The following RBFOX1 variants were observed in gnomAD, a reference collection of about 807,000 sequenced individuals.
RBFOX1 encodes the protein RNA binding protein fox-1 homolog 1.
A neutral mutation model predicts 57.7 loss-of-function variants in RBFOX1; 8 were observed. The observed-to-expected ratio is 0.14, with a 90% CI of 0.08 to 0.25. The LOEUF is 0.25. Among genes scored for constraint, RBFOX1 ranks in the 10% least tolerant of loss-of-function variants. RBFOX1 has a pLI of 1.00. For synonymous variants in RBFOX1, 326 were observed against 222.4 expected, an observed-to-expected ratio of 1.47 and a Z score of -4.15; for missense variants, 611 against 548.5, an observed-to-expected ratio of 1.11 and a Z score of -1.14.
At chr16:5,416,695 T>C (rs904815183) in intron 1 of RBFOX1, among the ~76,000 whole-genome samples, 18 of 151,680 alleles carry the variant, frequency 1.2e-4, no homozygotes, top group African/African-American at 4.4e-4. Flanking sequence ...TTTTTTTTCC[T>C]CTGGTCGTCT....
intron 3 of RBFOX1, among the ~76,000 whole-genome samples, chr16:6,757,509 G>T (rs1011784072): frequency 1.3e-5 from 2 of 152,194 alleles, no homozygotes; most frequent in Non-Finnish European, 2.9e-5. Flanking sequence ...GGATGGAACT[G>T]GAGGGAGGTC....
chr16:5,239,987 G>C, exon 1 of RBFOX1: 1 of 1,530,516 alleles, frequency 6.5e-7, no homozygotes, highest in Non-Finnish European at 8.7e-7. Flanking sequence ...GAAGAGAAGA[G>C]GCTGCGGCTG....
chr16:5,871,062 C>CAGTGAATATGTGAATAACG (rs1172270778), intron 4 of RBFOX1, among the ~76,000 whole-genome samples: 41 of 152,224 alleles, frequency 2.7e-4, no homozygotes, highest in Non-Finnish European at 8.8e-5. Flanking sequence ...TAAATCTGGA[C>CAGTGAATATGTGAATAACG]TTTGAAAACA....
chr16:5,611,750 T>TCCATCCATCCATCCATC (rs2047809447), intron 3 of RBFOX1, among the ~76,000 whole-genome samples: 2 of 6,840 alleles, frequency 2.9e-4, no homozygotes, highest in Non-Finnish European at 3.5e-4. Flanking sequence ...ATCCATCCAT[T>TCCATCCATCCATCCATC]CACCCTTCTT....
At chr16:6,636,209 C>T (rs112996046) in intron 2 of RBFOX1, among the ~76,000 whole-genome samples, 5,181 of 152,162 alleles carry the variant, frequency 0.034, 283 homozygotes, top group East Asian at 0.21. Context: ...CTCGCTCTGT[C>T]GCCCAGGCTG....
intron 4 of RBFOX1, among the ~76,000 whole-genome samples, chr16:7,498,274 A>G (rs1306511483): frequency 6.6e-6 from 1 of 152,146 alleles, no homozygotes; most frequent in African/African-American, 2.4e-5. Flanking sequence ...ATTGTAAAGG[A>G]GTGGTGGCTT....
intron 2 of RBFOX1, among the ~76,000 whole-genome samples, chr16:6,436,606 C>G (rs1485279023): frequency 1.3e-5 from 2 of 151,138 alleles, no homozygotes; most frequent in African/African-American, 4.9e-5. Flanking sequence ...ATTACCACCC[C>G]AAGCCCAGTT....
intron 2 of RBFOX1, among the ~76,000 whole-genome samples, chr16:6,366,181 A>T (rs921708116): frequency 3.3e-5 from 5 of 151,886 alleles, no homozygotes; most frequent in Non-Finnish European, 5.9e-5. Context: ...CCTGGAACAT[A>T]TGTACGTATA....
chr16:5,565,524 C>G (rs1458515689), intron 2 of RBFOX1, among the ~76,000 whole-genome samples: 1 of 151,896 alleles, frequency 6.6e-6, no homozygotes, highest in Non-Finnish European at 1.5e-5. Context: ...ACTTGGGAGG[C>G]TGAGGCAGGA....
chr16:6,846,531 G>T (rs1042649127), intron 3 of RBFOX1, among the ~76,000 whole-genome samples: 2 of 152,168 alleles, frequency 1.3e-5, no homozygotes, highest in African/African-American at 2.4e-5. Flanking sequence ...TACCAGACAG[G>T]GGAGGAATCA....
intron 3 of RBFOX1, among the ~76,000 whole-genome samples, chr16:5,848,765 G>T (rs2056817302): frequency 6.6e-6 from 1 of 151,960 alleles, no homozygotes; most frequent in Non-Finnish European, 1.5e-5. Context: ...TGGCCAACAT[G>T]GTGAAACCCC....
chr16:6,255,757 C>T (rs1011097115), intron 1 of RBFOX1, among the ~76,000 whole-genome samples: 1 of 151,998 alleles, frequency 6.6e-6, no homozygotes, highest in African/African-American at 2.4e-5. Context: ...ATGGATGAAG[C>T]TGGAAACCGT....
intron 4 of RBFOX1, among the ~76,000 whole-genome samples, chr16:7,075,563 A>T (rs751702225): frequency 6.7e-6 from 1 of 148,920 alleles, no homozygotes; most frequent in Admixed American, 6.6e-5. Context: ...ATTTCTTTTT[A>T]TTTTTTCTTT....
intron 4 of RBFOX1, among the ~76,000 whole-genome samples, chr16:7,093,673 C>G (rs908710744): frequency 6.6e-6 from 1 of 152,142 alleles, no homozygotes; most frequent in Admixed American, 6.5e-5. Flanking sequence ...CTTAACCATT[C>G]ATGGCCTCCC....
chr16:6,895,674 G>A (rs531143634), intron 3 of RBFOX1, among the ~76,000 whole-genome samples: 1 of 151,646 alleles, frequency 6.6e-6, no homozygotes, highest in Admixed American at 6.6e-5. Context: ...GGAGGCAAAA[G>A]TACCTGATGG....
chr16:7,709,615 G>C, intron 15 of RBFOX1: 1 of 1,532,422 alleles, frequency 6.5e-7, no homozygotes, highest in Non-Finnish European at 8.7e-7. Context: ...CATGTTTAAA[G>C]TCATAGTCGC....
rs548255642 is a variant in RBFOX1, at chr16:6,593,527, A to G, written c.-63-61076A>G. Among the ~76,000 whole-genome samples the G allele has an allele frequency of 9.2e-5, 14 of 152,286 alleles. No individual in the cohort carries two copies. The East Asian group carries it at 1.7e-3, about 19-fold the overall frequency. ...GAGCCTCAGGCTGACAATGGGATCCATCTAGAATCGAGGATTGTGGCTTTG... is the reference window on the plus strand; with the variant it reads ...GAGCCTCAGGCTGACAATGGGATCCGTCTAGAATCGAGGATTGTGGCTTTG... On this transcript the variant is annotated intron_variant, in intron 2 of 15. Coordinates refer to ENST00000550418, the MANE Select transcript of RBFOX1 (RefSeq NM_018723.4).
chr16:6,334,488 A>G (rs962152723), intron 2 of RBFOX1, among the ~76,000 whole-genome samples: 3 of 146,884 alleles, frequency 2.0e-5, no homozygotes, highest in Non-Finnish European at 4.5e-5. Flanking sequence ...AGCCTGGACA[A>G]CAGAGCAAGA....
intron 3 of RBFOX1, among the ~76,000 whole-genome samples, chr16:5,740,793 C>A (rs1395568294): frequency 1.3e-5 from 2 of 152,160 alleles, no homozygotes; most frequent in Non-Finnish European, 1.5e-5. Flanking sequence ...AAGAATGTTT[C>A]TTTTACTGTC....
Sources: allele counts gnomAD v4.1 joint callset (sites outside exome capture counted in the v4.1 genomes callset), GRCh38; gene constraint gnomAD v4.1.1; transcripts MANE v1.5; gene names NCBI Gene and HGNC (gene_info 2026-07-23, HGNC 2026-07-21).